Variants in PRIM2 observed in about 807,000 individuals in gnomAD.
PRIM2 encodes the protein DNA primase subunit 2.
PRIM2 carries 39 observed loss-of-function variants against 67.3 expected under a neutral mutation model. The ratio of observed to expected loss-of-function variants is 0.58; its 90% CI spans 0.45 to 0.76. The LOEUF is 0.76. Among genes scored for constraint, PRIM2 ranks in the 30% least tolerant of loss-of-function variants. The pLI is 0.00. For synonymous variants in PRIM2, 143 were observed against 198.7 expected (o/e 0.72, Z 2.36); for missense variants, 398 against 598.7 (o/e 0.66, Z 3.50).
chr6:57,423,604 G>A (rs1771529475), intron 7 of PRIM2, among the ~76,000 whole-genome samples: 1 of 152,182 alleles, frequency 6.6e-6, no homozygotes, highest in African/African-American at 2.4e-5. Context: ...TAGGGTTTAT[G>A]TTAAAGATCG....
chr6:57,264,594 C>CTTT, the PRIM2 span, among the ~76,000 whole-genome samples: 61 of 107,000 alleles, frequency 5.7e-4, no homozygotes, highest in Non-Finnish European at 7.1e-4. Flanking sequence ...AAGTCAAACG[C>CTTT]TTTTTTTTTT....
At chr6:57,449,045 T>A (rs1772450216) in intron 7 of PRIM2, among the ~76,000 whole-genome samples, 1 of 152,160 alleles carries the variant, frequency 6.6e-6, no homozygotes, top group African/African-American at 2.4e-5. Context: ...GATGGGGAGC[T>A]TAGGATTTTT....
At position 57,322,711 on chromosome 6, in the gene PRIM2, A is replaced by G. The variant is rs147321831; in HGVS notation, c.259-1490A>G. ...TCTTGGGTATGTCTTTATTAGCAGC[A>G]TGAGAATGGACTAATGTAGCTTTAC... On this transcript the variant is annotated intron_variant, in intron 3 of 13. Coordinates refer to ENST00000615550, the MANE Select transcript of PRIM2 (RefSeq NM_000947.5). Among the ~76,000 whole-genome samples, 357 of 152,252 alleles carry G rather than the reference A, an allele frequency of 2.3e-3. 1 individual carries two copies. The highest frequency in any genetic ancestry group is 8.0e-3 in the African/African-American group (333 of 41,552).
intron 7 of PRIM2, among the ~76,000 whole-genome samples, chr6:57,429,408 AGCAGGATTCTT>A (rs1771746394): frequency 6.6e-6 from 1 of 152,206 alleles, no homozygotes; most frequent in Non-Finnish European, 1.5e-5. Flanking sequence ...CGGACTTATT[AGCAGGATTCTT>A]GCTGACATTG....
chr6:57,477,202 A>C (rs1206286811), intron 7 of PRIM2, among the ~76,000 whole-genome samples: 6 of 152,130 alleles, frequency 3.9e-5, no homozygotes, highest in Non-Finnish European at 7.4e-5. Context: ...TATGTTGCCC[A>C]GGCTGGTCTT....
chr6:57,330,688 A>C (rs1410482700), intron 5 of PRIM2, among the ~76,000 whole-genome samples: 2 of 152,088 alleles, frequency 1.3e-5, no homozygotes, highest in Non-Finnish European at 2.9e-5. Flanking sequence ...AGCAGTGATC[A>C]TGATCTCAGG....
chr6:57,274,538 T>G, the PRIM2 span, among the ~76,000 whole-genome samples: 3 of 152,362 alleles, frequency 2.0e-5, no homozygotes, highest in East Asian at 5.8e-4. Flanking sequence ...CCCCTTTCTT[T>G]GACTAGGAAA....
At position 57,465,885 on chromosome 6, in the gene PRIM2, A is replaced by C. The variant is rs761503009; in HGVS notation, c.694-41502A>C. ...TGTGCAGAACGTGCAGGTTTGTTAC[A>C]TAGGTATACACATATCATGGTGGTT... On this transcript the variant is annotated intron_variant, in intron 7 of 13. Transcript: ENST00000615550. 1.3e-3 allele frequency among the ~76,000 whole-genome samples: 192 copies of C among 152,068 alleles called. 5 individuals carry two copies. The East Asian group carries it at 0.016, about 13-fold the overall frequency.
intron 7 of PRIM2, among the ~76,000 whole-genome samples, chr6:57,436,209 G>T (rs1267577708): frequency 6.6e-6 from 1 of 152,116 alleles, no homozygotes; most frequent in Non-Finnish European, 1.5e-5. Flanking sequence ...GCCAACAGTG[G>T]TATTGACTGG....
At chr6:57,506,395 A>G (rs1456578564) in intron 7 of PRIM2, among the ~76,000 whole-genome samples, 2 of 152,040 alleles carry the variant, frequency 1.3e-5, no homozygotes, top group Non-Finnish European at 2.9e-5. Context: ...TCTGTTTTCC[A>G]TTTTTAGGAA....
intron 5 of PRIM2, among the ~76,000 whole-genome samples, chr6:57,339,774 A>T (rs1768403397): frequency 6.6e-6 from 1 of 152,246 alleles, no homozygotes; most frequent in Non-Finnish European, 1.5e-5. Context: ...CCTAGGCTTT[A>T]CCACTCAGGA....
intron 12 of PRIM2, among the ~76,000 whole-genome samples, chr6:57,611,207 A>G (rs1423271681): frequency 6.6e-6 from 1 of 152,236 alleles, no homozygotes; most frequent in East Asian, 1.9e-4. Flanking sequence ...TTCAAAAAGT[A>G]TTAGTTTGCT....
At chr6:57,399,314 GT>G (rs1181399221) in intron 7 of PRIM2, among the ~76,000 whole-genome samples, 2 of 152,146 alleles carry the variant, frequency 1.3e-5, no homozygotes, top group East Asian at 1.9e-4. Context: ...CCTTGCGATA[GT>G]TTGCTCAGAA....
At chr6:57,276,656 G>A in the PRIM2 span, among the ~76,000 whole-genome samples, 3 of 151,882 alleles carry the variant, frequency 2.0e-5, no homozygotes, top group Non-Finnish European at 4.4e-5. Flanking sequence ...ATATTTGGGA[G>A]GCCAAAACAG....
intron 10 of PRIM2, among the ~76,000 whole-genome samples, chr6:57,555,941 C>T (rs1428410131): frequency 3.3e-5 from 5 of 152,146 alleles, no homozygotes; most frequent in African/African-American, 7.2e-5. Flanking sequence ...ATATAATTTT[C>T]TTGGACAAGA....
intron 7 of PRIM2, among the ~76,000 whole-genome samples, chr6:57,472,070 A>G (rs1443943004): frequency 6.6e-6 from 1 of 152,178 alleles, no homozygotes; most frequent in East Asian, 1.9e-4. Context: ...GTTATTCAGA[A>G]GTCAGCTGCT....
upstream of PRIM2, among the ~76,000 whole-genome samples, chr6:57,313,359 G>T (rs1332658635): frequency 6.6e-6 from 1 of 152,116 alleles, no homozygotes; most frequent in African/African-American, 2.4e-5. Context: ...AGATTTATAA[G>T]AGCAGGATTT....
chr6:57,504,334 T>C (rs1554347127), intron 7 of PRIM2, among the ~76,000 whole-genome samples: 3 of 152,206 alleles, frequency 2.0e-5, no homozygotes, highest in African/African-American at 7.2e-5. Context: ...GTTGGTAAAA[T>C]GCATTATTTT....
chr6:57,527,626 C>T (rs1250052713), intron 8 of PRIM2, among the ~76,000 whole-genome samples: 4 of 152,278 alleles, frequency 2.6e-5, no homozygotes, highest in African/African-American at 7.2e-5. Flanking sequence ...GTTCTTGCCT[C>T]ACATCTTTTC....
Sources: allele counts gnomAD v4.1 joint callset (sites outside exome capture counted in the v4.1 genomes callset), GRCh38; gene constraint gnomAD v4.1.1; transcripts MANE v1.5; gene names NCBI Gene and HGNC (gene_info 2026-07-23, HGNC 2026-07-21).